The following MYOM1 variants were observed in gnomAD, a reference collection of about 807,000 sequenced individuals.
MYOM1 encodes the protein myomesin-1.
Under a neutral mutation model 205.3 loss-of-function variants are expected in MYOM1, and 164 were observed. That is an observed-to-expected ratio of 0.80 (90% CI 0.70 to 0.91). The LOEUF (loss-of-function observed/expected upper bound fraction) is 0.91. MYOM1 is among the 40% of genes least tolerant of loss of function. MYOM1 has a pLI of 0.00. For missense variants in MYOM1, 2,011 were observed against 2,127.3 expected (o/e 0.95, Z 1.08); for synonymous variants, 772 against 789.4 (o/e 0.98, Z 0.37).
chr18:3,073,761 C>T (rs536250995), intron 36 of MYOM1, among the ~76,000 whole-genome samples: 99 of 152,360 alleles, frequency 6.5e-4, no homozygotes, highest in South Asian at 1.0e-3. Flanking sequence ...GGGGGATCCA[C>T]CAGGAATTTG....
In MYOM1 at chr18:3,135,775, A is replaced by C. The variant is rs376157297; in HGVS notation, c.2026-45T>G. On this transcript the variant is annotated intron_variant, in intron 14 of 37. Transcript: ENST00000356443. The surrounding 1 kb of genome is among the most constrained non-coding windows in gnomAD (Gnocchi z 4.1). ...ACCCATTGAAAGCACAGCAAACACA[A>C]GCGAGAATCCAGGCCAGGCAACTCC... The C allele has an allele frequency of 5.0e-6, 8 of 1,605,758 alleles. No homozygotes were observed. In the African/African-American group the frequency reaches 1.1e-4, roughly 21 times the overall value.
intron 2 of MYOM1, among the ~76,000 whole-genome samples, chr18:3,210,299 A>G (rs1013460041): frequency 6.6e-6 from 1 of 152,228 alleles, no homozygotes; most frequent in Non-Finnish European, 1.5e-5. Context: ...TGTCTGAATT[A>G]TAACAGCTTT....
Position 3,188,792 on chromosome 18 carries a change from C to G in MYOM1, c.727G>C (p.Val243Leu), listed in dbSNP as rs201352656. 1.1e-5 allele frequency: 17 copies of G among 1,605,710 alleles called. No homozygotes were observed. In the Admixed American group the frequency reaches 2.9e-4, roughly 27 times the overall value. ...EETSEKKSRK[V>L]VIREKAERLS... ...CGTTCTGCCTTTTCTCGAATCACAA[C>G]TTTCCTTGACTTCTTTTCAGAAGTT... The change falls in exon 4 of 38, where the codon GTT becomes CTT. Residue 243 changes from valine to leucine, a missense_variant. Transcript: ENST00000356443.
chr18:3,177,083 A>G (rs1028360484), intron 5 of MYOM1, among the ~76,000 whole-genome samples: 4 of 152,014 alleles, frequency 2.6e-5, no homozygotes, highest in Admixed American at 6.6e-5. Context: ...CTGAATCTAC[A>G]AAAACTACAA....
chr18:3,197,566 A>AT lies in MYOM1; in HGVS notation c.291-3609dup, dbSNP rs1255611438. 5.3e-5 allele frequency among the ~76,000 whole-genome samples: 8 copies of AT among 152,072 alleles called. No individual in the cohort carries two copies. The South Asian group carries it at 1.5e-3, about 28-fold the overall frequency. On this transcript the variant is annotated intron_variant, in intron 2 of 37. Transcript: ENST00000356443. Reference sequence around the variant, plus strand: ...AGAAAAATACTAAAGACCACACTTGATTTTTTTTAAAAAAAGAAGTGTTAA... The same window carrying AT: ...AGAAAAATACTAAAGACCACACTTGATTTTTTTTTAAAAAAAGAAGTGTTAA...
chr18:3,108,184 GTCTC>G lies in MYOM1; in HGVS notation c.3418+4110_3418+4113del, dbSNP rs2086681742. Reference sequence around the variant, plus strand: ...AGACTGATTTGACTGATAACTCTAGGTCTCTCGCTTCAGCTGGCCTCAGGTCAAT... The same window carrying G: ...AGACTGATTTGACTGATAACTCTAGGTCGCTTCAGCTGGCCTCAGGTCAAT... On this transcript the variant is annotated intron_variant, in intron 22 of 37. Coordinates refer to ENST00000356443, the MANE Select transcript of MYOM1 (RefSeq NM_003803.4). 3.9e-5 allele frequency among the ~76,000 whole-genome samples: 6 copies of G among 152,182 alleles called. No homozygotes were observed. In the South Asian group the frequency reaches 1.2e-3, roughly 32 times the overall value.
At chr18:3,233,238 A>G in the MYOM1 span, among the ~76,000 whole-genome samples, 13,033 of 152,260 alleles carry the variant, frequency 0.086, 628 homozygotes, top group African/African-American at 0.13. Context: ...AACAACATTC[A>G]TCTGGTTGAG....
At chr18:3,151,941 T>A in intron 11 of MYOM1, 48 bp from the exon 12 acceptor site, 1 of 1,563,492 alleles carries the variant, frequency 6.4e-7, no homozygotes, top group Non-Finnish European at 8.8e-7. Flanking sequence ...AAGTATGGCT[T>A]AATGAATATC....
chr18:3,229,474 TAG>T, the MYOM1 span, among the ~76,000 whole-genome samples: 1 of 151,960 alleles, frequency 6.6e-6, no homozygotes, highest in Non-Finnish European at 1.5e-5. Flanking sequence ...TTTGCACAAA[TAG>T]AAGTATTCCT....
At chr18:3,173,547 A>G (rs2080590362) in intron 8 of MYOM1, among the ~76,000 whole-genome samples, 1 of 144,568 alleles carries the variant, frequency 6.9e-6, no homozygotes, top group Admixed American at 7.0e-5. Context: ...AAGGGTGAGA[A>G]AGAGCGCTTT....
intron 2 of MYOM1, among the ~76,000 whole-genome samples, chr18:3,197,615 T>C (rs1210820398): frequency 2.0e-5 from 3 of 152,152 alleles, no homozygotes; most frequent in Non-Finnish European, 2.9e-5. Context: ...GGCTCACGCC[T>C]GTAATCCCAG....
chr18:3,080,998 G>A (rs1156413250), intron 33 of MYOM1, among the ~76,000 whole-genome samples: 2 of 152,058 alleles, frequency 1.3e-5, no homozygotes, highest in African/African-American at 4.8e-5. Context: ...CAGGCATGGT[G>A]GCACACGCTT....
chr18:3,160,659 C>G (rs775213858), intron 10 of MYOM1, among the ~76,000 whole-genome samples: 3 of 152,270 alleles, frequency 2.0e-5, no homozygotes, highest in Admixed American at 6.5e-5. Flanking sequence ...TAAGTGAAAT[C>G]TTTTTCTAAA....
At chr18:3,072,011 A>C in intron 36 of MYOM1, 122 bp from the exon 37 acceptor site, 1 of 821,252 alleles carries the variant, frequency 1.2e-6, no homozygotes, top group Non-Finnish European at 2.0e-6. Flanking sequence ...TCTTTTATAC[A>C]GTTTTCAACA....
Position 3,116,434 on chromosome 18 carries a change from C to T in MYOM1, c.3200G>A (p.Arg1067Gln), listed in dbSNP as rs767647566. 2.5e-5 allele frequency: 41 copies of T among 1,613,574 alleles called. No individual in the cohort carries two copies. The highest frequency in any genetic ancestry group is 6.7e-5 in the East Asian group (3 of 44,888). ...CACGAAGTAACCAGTGACCGGAGTCCGCCCGGAGTGGACTGGCGGCTTCCA... is the reference window on the plus strand; with the variant it reads ...CACGAAGTAACCAGTGACCGGAGTCTGCCCGGAGTGGACTGGCGGCTTCCA... ...LQWKPPVHSG[R>Q]TPVTGYFVDL... The change falls in exon 21 of 38, where the codon CGG (arginine) becomes CAG (glutamine). Residue 1067 changes from arginine (R) to glutamine (Q), a missense_variant. By Grantham distance (43) the Arg-to-Gln change is conservative. Transcript: ENST00000356443.
intron 18 of MYOM1, among the ~76,000 whole-genome samples, chr18:3,128,930 C>T (rs2079834765): frequency 6.6e-6 from 1 of 152,200 alleles, no homozygotes; most frequent in Non-Finnish European, 1.5e-5. Flanking sequence ...ATCGAATTCT[C>T]TTAGCAAAAT....
rs771947024 is a variant in MYOM1, at chr18:3,100,358, G to C, written c.3644C>G (p.Thr1215Ser). The C allele has an allele frequency of 1.2e-6, 2 of 1,613,832 alleles. No individual in the cohort carries two copies. Among genetic ancestry groups the C allele is most frequent in the Non-Finnish European group, 1.7e-6 (2 of 1,179,862 alleles). ...LGIYSCDVTD[T>S]DGIASSYLID... is the part of the protein sequence containing the mutation. The stretch of plus-strand genomic sequence containing the variant: ...TAAGTAGCTTGATGCTATTCCATCA[G>C]TGTCTGTTACATCGCAAGAGTAAAT... The change falls in exon 24 of 38, where the codon ACT (threonine) becomes AGT (serine). Residue 1215 changes from threonine (T) to serine (S), a missense_variant. By Grantham distance (58) the Thr-to-Ser change is moderately conservative (BLOSUM62 1). Coordinates refer to ENST00000356443, the MANE Select transcript of MYOM1 (RefSeq NM_003803.4).
At chr18:3,165,593 T>C (rs1463095964) in intron 9 of MYOM1, among the ~76,000 whole-genome samples, 1 of 151,952 alleles carries the variant, frequency 6.6e-6, no homozygotes, top group African/African-American at 2.4e-5. Flanking sequence ...CTTATGTGCT[T>C]TATTGCAGTG....
At chr18:3,129,200 G>A (rs577636122) in intron 18 of MYOM1, 32 bp downstream of exon 18, 9 of 1,599,540 alleles carry the variant, frequency 5.6e-6, no homozygotes, top group Admixed American at 5.2e-5. Flanking sequence ...TGATGGAGAC[G>A]GATGGAACAG....
Sources: gnomAD v4.1 joint callset for allele counts (sites outside exome capture counted in the v4.1 genomes callset) on GRCh38, gnomAD v4.1.1 for gene constraint, Gnocchi (gnomAD v3.1) non-coding constraint, MANE v1.5 for transcripts, NCBI Gene and HGNC (gene_info 2026-07-23, HGNC 2026-07-21) for gene names.